Variants in ABCA2 observed in about 807,000 individuals in gnomAD.
ABCA2 encodes the protein ATP binding cassette subfamily A member 2, also known as ATP-binding cassette sub-family A member 2.
A neutral mutation model predicts 262.8 loss-of-function variants in ABCA2; 84 were observed. The ratio of observed to expected loss-of-function variants is 0.32; its 90% confidence interval spans 0.27 to 0.38. The LOEUF is 0.38. ABCA2 is among the 10% of genes least tolerant of loss of function. The pLI, the probability that ABCA2 is intolerant of heterozygous loss-of-function variation, is 1.00. For synonymous variants in ABCA2, 1,696 were observed against 1,502.9 expected (o/e 1.13, Z -2.97); for missense variants, 2,662 against 3,405.9 (o/e 0.78, Z 5.44).
Position 137,008,257 on chromosome 9 carries a change from C to T in ABCA2, c.7275+159G>A, listed in dbSNP as rs746091822. ...GACCATGCAGTTACGTCTCTCCAGG[C>T]CTATCTGCAAGTGTCCCTCGCCCAC... On this transcript the variant is annotated intron_variant, in intron 48 of 48. Coordinates refer to ENST00000341511, the MANE Select transcript of ABCA2 (RefSeq NM_001606.5). The T allele has an allele frequency of 1.4e-5, 13 of 903,488 alleles. No homozygotes were observed. In the South Asian group the frequency reaches 1.7e-4, roughly 12 times the overall value. 56.0% of individuals were successfully genotyped at this position (903,488 alleles called of 1,614,324 possible).
chr9:137,028,273 G>T (rs1185763562), upstream of ABCA2: 1 of 977,892 alleles, frequency 1.0e-6, no homozygotes, highest in Admixed American at 6.4e-5. The surrounding 1 kb of genome is among the most constrained non-coding windows in gnomAD (Gnocchi z 6.9). Context: ...GACCCGATCC[G>T]CGCTGGCTCC....
In ABCA2 at chr9:137,009,578, T is replaced by C. The variant is rs775257885; in HGVS notation, c.6697A>G (p.Ile2233Val). 1.2e-6 allele frequency: 2 copies of C among 1,612,666 alleles called. No homozygotes were observed. The highest frequency in any genetic ancestry group is 1.7e-6 in the Non-Finnish European group (2 of 1,179,718). The stretch of plus-strand genomic sequence containing the variant: ...AGCACCACTGAACGCCCTGTCTTGA[T>C]GAGGTCAAGGATGAGGTTCCAGAGG... Reference protein sequence around the residue: ...RFLWNLILDLIKTGRSVVLTS... With the variant: ...RFLWNLILDLVKTGRSVVLTS... The change falls in exon 44 of 49, where the codon ATC becomes GTC. Residue 2233 changes from isoleucine to valine, a missense_variant. Coordinates refer to ENST00000341511, the MANE Select transcript of ABCA2 (RefSeq NM_001606.5).
In ABCA2 at chr9:137,009,362, C is replaced by G. The variant is rs375294365; in HGVS notation, c.6827+8G>C. On this transcript the variant is annotated splice_region_variant and intron_variant, in intron 45 of 48. Coordinates refer to ENST00000341511, the MANE Select transcript of ABCA2 (RefSeq NM_001606.5). ...CCCCAGCCCACCCCTGGCCCTGCCC[C>G]GGCTCACCGGTTCTTCAGGTGCTGG... is the stretch of plus-strand genomic sequence containing the variant. 1 of 1,585,362 alleles carries G rather than the reference C, an allele frequency of 6.3e-7. No individual in the cohort carries two copies. Among genetic ancestry groups the G allele is most frequent in the South Asian group, 1.1e-5 (1 of 88,420 alleles).
At chr9:137,013,643 C>T (rs979144289) in intron 28 of ABCA2, 80 bp from the exon 29 acceptor site, 1 of 1,449,234 alleles carries the variant, frequency 6.9e-7, no homozygotes, top group African/African-American at 1.4e-5. Flanking sequence ...CTTCCCCCAA[C>T]CCCAAGGGAT....
At chr9:137,008,125 C>A in intron 48 of ABCA2, 161 bp from the exon 49 acceptor site, 1 of 951,448 alleles carries the variant, frequency 1.1e-6, no homozygotes, top group Non-Finnish European at 1.6e-6. Context: ...GGGCCTCCGT[C>A]TGCCGAGTCT....
chr9:137,010,582 AC>A (rs1564212601), intron 40 of ABCA2, 37 bp downstream of exon 40: 2 of 1,058,698 alleles, frequency 1.9e-6, no homozygotes, highest in African/African-American at 1.9e-5. Flanking sequence ...GCCCTGGCCT[AC>A]CCCACCCAGG....
chr9:137,012,933 C>A lies in ABCA2; in HGVS notation c.4868-8G>T. ...GTGCCGACGTCCACATTTCTGTGGGCACAGCATGGTGCGGTGAGAAGGACC... is the reference window on the plus strand; with the variant it reads ...GTGCCGACGTCCACATTTCTGTGGGAACAGCATGGTGCGGTGAGAAGGACC... On this transcript the variant is annotated splice_polypyrimidine_tract_variant and splice_region_variant and intron_variant, in intron 30 of 48. Coordinates refer to ENST00000341511, the MANE Select transcript of ABCA2 (RefSeq NM_001606.5). 1 of 1,502,232 alleles carries A rather than the reference C, an allele frequency of 6.7e-7. No individual in the cohort carries two copies. Among genetic ancestry groups the A allele is most frequent in the Non-Finnish European group, 8.9e-7 (1 of 1,123,952 alleles). 93.1% of individuals were successfully genotyped at this position (1,502,232 alleles called of 1,614,324 possible).
At chr9:137,023,889 A>C (rs753245036) in intron 2 of ABCA2, 49 bp from the exon 3 acceptor site, 1 of 1,018,212 alleles carries the variant, frequency 9.8e-7, no homozygotes. Context: ...GAGGGGGATC[A>C]AAACAGAACA....
At chr9:137,026,306 G>A (rs1831652272) in intron 1 of ABCA2, among the ~76,000 whole-genome samples, 1 of 152,180 alleles carries the variant, frequency 6.6e-6, no homozygotes, top group Non-Finnish European at 1.5e-5. Context: ...CTCTGCCCAG[G>A]GTGCACCCCT....
rs200400184 is a variant in ABCA2 at position 137,018,783 on chromosome 9, G to A, written c.1755C>T (p.Asp585=). The part of the protein sequence containing the change: ...VSVDIFKGFP[D]EESIVNYTLN... ...GGGTGTAGTTGACAATGCTCTCCTC[G>A]TCGGGGAAGCCCTTGAAGATGTCCA... The change falls in exon 13 of 49, where the codon GAC becomes GAT. Residue 585 remains aspartate, a synonymous_variant. Coordinates refer to ENST00000341511, the MANE Select transcript of ABCA2 (RefSeq NM_001606.5). The A allele has an allele frequency of 1.1e-5, 18 of 1,612,584 alleles. No homozygotes were observed. Among genetic ancestry groups the A allele is most frequent in the African/African-American group, 6.7e-5 (5 of 74,864 alleles).
rs1397863799 is a variant in ABCA2, at chr9:137,018,804, G to A, written c.1734C>T (p.Asp578=). 2 of 1,612,738 alleles carry A rather than the reference G, an allele frequency of 1.2e-6. No individual in the cohort carries two copies. Among genetic ancestry groups the A allele is most frequent in the Admixed American group, 1.7e-5 (1 of 59,998 alleles). The change falls in exon 13 of 49, where the codon GAC becomes GAT. Residue 578 remains aspartate (D), a synonymous_variant. Transcript: ENST00000341511. ...CCTCGTCGGGGAAGCCCTTGAAGATGTCCACGCTCACCTAGCGGGAGGGGC... is the reference window on the plus strand; with the variant it reads ...CCTCGTCGGGGAAGCCCTTGAAGATATCCACGCTCACCTAGCGGGAGGGGC... The part of the protein sequence containing the change: ...WIQFMSKVSV[D]IFKGFPDEES...
chr9:137,013,812 C>A lies in ABCA2; in HGVS notation c.4447+20G>T. 1 of 1,585,036 alleles carries A rather than the reference C, an allele frequency of 6.3e-7. No homozygotes were observed. The highest frequency in any genetic ancestry group is 1.1e-5 in the South Asian group (1 of 87,758). ...GTGGGGGGAGGCAAGCCCAGCACCC[C>A]TGTCCAGCCGGTGGCCTACCAATCT... On this transcript the variant is annotated intron_variant, in intron 28 of 48. Coordinates refer to ENST00000341511, the MANE Select transcript of ABCA2 (RefSeq NM_001606.5).
At chr9:137,013,354 T>G in intron 29 of ABCA2, 36 bp from the exon 30 acceptor site, 1 of 1,526,856 alleles carries the variant, frequency 6.5e-7, no homozygotes, top group Non-Finnish European at 8.8e-7. Flanking sequence ...GGGCTGCCAG[T>G]CTCCGCCCCT....
chr9:137,008,032 G>A, intron 48 of ABCA2, 68 bp from the exon 49 acceptor site: 1 of 1,557,566 alleles, frequency 6.4e-7, no homozygotes, highest in Non-Finnish European at 8.7e-7. Context: ...GAGGACACTT[G>A]TGCTGGCCCG....
In ABCA2 at chr9:137,020,747, T is replaced by G; in HGVS notation, c.1212A>C (p.Ser404=). 6.2e-7 allele frequency: 1 copy of G among 1,602,150 alleles called. No homozygotes were observed. Among genetic ancestry groups the G allele is most frequent in the South Asian group, 1.1e-5 (1 of 90,694 alleles). The change falls in exon 9 of 49, where the codon TCA becomes TCC. Residue 404 remains serine, a synonymous_variant. Coordinates refer to ENST00000341511, the MANE Select transcript of ABCA2 (RefSeq NM_001606.5). Reference sequence around the variant, plus strand: ...GGCCGGCCCAGAGCTGTACGAAGGCTGAGCACTGGCCCTGCAGCGTGTCCG... The same window carrying G: ...GGCCGGCCCAGAGCTGTACGAAGGCGGAGCACTGGCCCTGCAGCGTGTCCG... The part of the protein sequence containing the change: ...ATPDTLQGQC[S]AFVQLWAGLQ...
intron 5 of ABCA2, 50 bp from the exon 6 acceptor site, chr9:137,022,528 T>G: frequency 8.8e-6 from 14 of 1,593,112 alleles, no homozygotes; most frequent in Non-Finnish European, 1.2e-5. Context: ...CTTGGCAAGG[T>G]GCCCCCACAT....
rs546449014 is a variant in ABCA2, at chr9:137,021,378, A to C, written c.897+14T>G. ...GCAAGCAGCGCAGCGGGCAGTGGGC[A>C]GGCAGGGCCTCACCTGCTGGGAGAC... On this transcript the variant is annotated intron_variant, in intron 8 of 48. Coordinates refer to ENST00000341511, the MANE Select transcript of ABCA2 (RefSeq NM_001606.5). This position sits in a 1 kb window ranked among gnomAD's most constrained non-coding sequence, Gnocchi z 6.0. The C allele has an allele frequency of 2.5e-6, 4 of 1,602,216 alleles. No individual in the cohort carries two copies. In the East Asian group the frequency reaches 8.9e-5, roughly 36 times the overall value.
intron 22 of ABCA2, 28 bp downstream of exon 22, chr9:137,015,934 T>TGGGGGGGGGGGGGGGGGGGGGCGGGGG: frequency 1.5e-6 from 1 of 654,354 alleles, no homozygotes; most frequent in Non-Finnish European, 2.1e-6. Context: ...TCCGCCCACC[T>TGGGGGGGGGGGGGGGGGGGGGCGGGGG]GCCCCGCCCC....
At position 137,025,371 on chromosome 9, in the gene ABCA2, C is replaced by T. The variant is rs116235411; in HGVS notation, c.67-1135G>A. 9.6e-3 allele frequency among the ~76,000 whole-genome samples: 1,463 copies of T among 152,338 alleles called. 27 individuals are homozygous for T. The highest frequency in any genetic ancestry group is 0.034 in the African/African-American group (1,421 of 41,570). On this transcript the variant is annotated intron_variant, in intron 1 of 48. Coordinates refer to ENST00000341511, the MANE Select transcript of ABCA2 (RefSeq NM_001606.5). Reference sequence around the variant, plus strand: ...CTCTGAGACCCACAGGACAGAGGGGCCCTGCCCTCCCTAGCCCGAGGGCGA... The same window carrying T: ...CTCTGAGACCCACAGGACAGAGGGGTCCTGCCCTCCCTAGCCCGAGGGCGA...
Sources: gnomAD v4.1 joint callset for allele counts (sites outside exome capture counted in the v4.1 genomes callset) on GRCh38, gnomAD v4.1.1 for gene constraint, Gnocchi (gnomAD v3.1) non-coding constraint, MANE v1.5 for transcripts, NCBI Gene and HGNC (gene_info 2026-07-23, HGNC 2026-07-21) for gene names.